The following CHCHD6 variants were observed in gnomAD, a reference collection of about 807,000 sequenced individuals.
CHCHD6 encodes the protein MICOS complex subunit MIC25.
In CHCHD6, 28 loss-of-function variants were observed where a neutral mutation model predicts 32.3. That is an observed-to-expected ratio of 0.87 (90% CI 0.64 to 1.19). CHCHD6 has a LOEUF of 1.19. CHCHD6 is among the 50% of genes most tolerant of loss of function. The pLI, the probability that CHCHD6 is intolerant of heterozygous loss-of-function variation, is 0.00. For synonymous variants in CHCHD6, 122 were observed against 117.5 expected (o/e 1.04, Z -0.25); for missense variants, 333 against 307.0 (o/e 1.08, Z -0.63).
At chr3:126,957,071 C>T (rs769541194) in intron 6 of CHCHD6, 5 of 340,782 alleles carry the variant, frequency 1.5e-5, no homozygotes, top group Non-Finnish European at 2.2e-5. Flanking sequence ...GTCCTGGAGG[C>T]GGGCTGCACC....
At chr3:126,831,397 G>T (rs951246755) in intron 4 of CHCHD6, among the ~76,000 whole-genome samples, 12 of 152,130 alleles carry the variant, frequency 7.9e-5, no homozygotes, top group African/African-American at 2.9e-4. Context: ...GCAGTGTTGG[G>T]CAAGCTTGCC....
chr3:126,756,677 T>G (rs1396234883), intron 4 of CHCHD6, among the ~76,000 whole-genome samples: 1 of 152,232 alleles, frequency 6.6e-6, no homozygotes, highest in African/African-American at 2.4e-5. Context: ...GCATGAGAAC[T>G]AAATGGGAAA....
intron 5 of CHCHD6, among the ~76,000 whole-genome samples, chr3:126,899,449 TG>T (rs748337841): frequency 1.6e-4 from 24 of 152,228 alleles, no homozygotes; most frequent in Non-Finnish European, 2.2e-4. Flanking sequence ...TGTCAGTATC[TG>T]GATTTTCGTT....
rs190766361 is a variant in CHCHD6, at chr3:126,902,634, G to A, written c.496-12046G>A. Among the ~76,000 whole-genome samples the A allele has an allele frequency of 4.9e-3, 738 of 151,114 alleles. 2 individuals carry two copies. Among genetic ancestry groups the A allele is most frequent in the Middle Eastern group, 0.01 (3 of 294 alleles). On this transcript the variant is annotated intron_variant, in intron 5 of 7. Transcript: ENST00000290913. Reference sequence around the variant, plus strand: ...CAGGAGGCTGAGGCAGCAGAATGGCGTGAACCTGGGAGGCAGAGGTTGCAG... The same window carrying A: ...CAGGAGGCTGAGGCAGCAGAATGGCATGAACCTGGGAGGCAGAGGTTGCAG...
chr3:126,712,142 G>A (rs891798904), intron 1 of CHCHD6, among the ~76,000 whole-genome samples: 5 of 152,204 alleles, frequency 3.3e-5, no homozygotes, highest in Admixed American at 6.5e-5. Context: ...CCGCTGGTGC[G>A]TTCCATTTTT....
At chr3:126,871,751 C>T (rs1373599972) in intron 5 of CHCHD6, among the ~76,000 whole-genome samples, 7 of 151,062 alleles carry the variant, frequency 4.6e-5, no homozygotes, top group South Asian at 2.1e-4. Flanking sequence ...CTGCAACCTC[C>T]GCCTCCCAGG....
chr3:126,831,814 G>A (rs1940656437), intron 4 of CHCHD6, among the ~76,000 whole-genome samples: 1 of 152,204 alleles, frequency 6.6e-6, no homozygotes, highest in Non-Finnish European at 1.5e-5. Context: ...AAGAAGAAGA[G>A]TGTGTTTGGT....
chr3:126,755,363 C>T (rs1005022536), intron 4 of CHCHD6, among the ~76,000 whole-genome samples: 35 of 152,152 alleles, frequency 2.3e-4, no homozygotes, highest in African/African-American at 8.2e-4. Flanking sequence ...TCCAAGAACC[C>T]AAGCGAATGC....
intron 4 of CHCHD6, among the ~76,000 whole-genome samples, chr3:126,773,050 AT>A (rs1390408185): frequency 2.0e-5 from 3 of 152,142 alleles, no homozygotes; most frequent in African/African-American, 7.2e-5. Context: ...AGAATGCTGA[AT>A]ATAGGGCCCC....
intron 4 of CHCHD6, among the ~76,000 whole-genome samples, chr3:126,822,842 G>C (rs1246843589): frequency 6.6e-6 from 1 of 152,016 alleles, no homozygotes; most frequent in Non-Finnish European, 1.5e-5. Context: ...ATCTGTGTTA[G>C]TAACACTCTT....
chr3:126,764,287 C>T (rs1378219695), intron 4 of CHCHD6, among the ~76,000 whole-genome samples: 1 of 150,890 alleles, frequency 6.6e-6, no homozygotes, highest in African/African-American at 2.4e-5. Context: ...TCACAACCTT[C>T]TCTTTGATTC....
At chr3:126,706,074 T>G (rs1437244697) in intron 1 of CHCHD6, among the ~76,000 whole-genome samples, 1 of 152,090 alleles carries the variant, frequency 6.6e-6, no homozygotes, top group African/African-American at 2.4e-5. Flanking sequence ...GAATTGGAAT[T>G]TAGAAAGATA....
chr3:126,755,697 A>T (rs1228814086), intron 4 of CHCHD6, among the ~76,000 whole-genome samples: 2 of 152,200 alleles, frequency 1.3e-5, no homozygotes, highest in African/African-American at 4.8e-5. Context: ...CTCCCCTTTT[A>T]TTCATAAACT....
intron 4 of CHCHD6, among the ~76,000 whole-genome samples, chr3:126,792,313 A>G (rs1938590592): frequency 6.6e-6 from 1 of 151,258 alleles, no homozygotes; most frequent in African/African-American, 2.4e-5. Context: ...GAAGTCCATT[A>G]TATGGTAGTT....
In CHCHD6 at chr3:126,852,694, C is replaced by T; in HGVS notation, c.459C>T (p.Thr153=). The T allele has an allele frequency of 6.2e-7, 1 of 1,613,808 alleles. No homozygotes were observed. Among genetic ancestry groups the T allele is most frequent in the Non-Finnish European group, 8.5e-7 (1 of 1,179,806 alleles). ...SREAELRRRD[T]FYKEQLERIE... ...AGGCAGAGCTAAGACGCCGTGACACCTTCTACAAGGAGCAGCTGGAGCGTA... is the reference window on the plus strand; with the variant it reads ...AGGCAGAGCTAAGACGCCGTGACACTTTCTACAAGGAGCAGCTGGAGCGTA... The change falls in exon 5 of 8, where the codon ACC becomes ACT. Residue 153 remains threonine (T), a synonymous_variant. Transcript: ENST00000290913.
At chr3:126,732,715 G>A (rs1262237328) in intron 3 of CHCHD6, among the ~76,000 whole-genome samples, 1 of 152,208 alleles carries the variant, frequency 6.6e-6, no homozygotes, top group Non-Finnish European at 1.5e-5. Flanking sequence ...TCAAAACAGA[G>A]GACTACTACC....
intron 6 of CHCHD6, among the ~76,000 whole-genome samples, chr3:126,917,108 G>T (rs2078182668): frequency 6.6e-6 from 1 of 152,204 alleles, no homozygotes; most frequent in African/African-American, 2.4e-5. Context: ...AGCAAGGTGG[G>T]ATGGATGTGA....
chr3:126,854,338 A>G (rs910362735), intron 5 of CHCHD6, among the ~76,000 whole-genome samples: 6 of 152,152 alleles, frequency 3.9e-5, no homozygotes, highest in African/African-American at 1.4e-4. Flanking sequence ...TCTTAAACAC[A>G]GCATTTTGCT....
At chr3:126,954,136 G>C (rs2078752984) in intron 6 of CHCHD6, among the ~76,000 whole-genome samples, 1 of 152,122 alleles carries the variant, frequency 6.6e-6, no homozygotes, top group Non-Finnish European at 1.5e-5. Context: ...CTTCCATTCT[G>C]TCTCCTCATA....
Sources: gnomAD v4.1 joint callset for allele counts (sites outside exome capture counted in the v4.1 genomes callset) on GRCh38, gnomAD v4.1.1 for gene constraint, MANE v1.5 for transcripts, NCBI Gene and HGNC (gene_info 2026-07-23, HGNC 2026-07-21) for gene names.